Variants in CTNND2 observed in about 807,000 individuals in gnomAD.
CTNND2 encodes the protein catenin delta-2.
A neutral mutation model predicts 144.4 loss-of-function variants in CTNND2; 22 were observed. The observed-to-expected ratio is 0.15, with a 90% confidence interval of 0.11 to 0.22. The LOEUF is 0.22. Ranked by LOEUF, CTNND2 falls within the 10% of genes least tolerant of loss-of-function variation. CTNND2 has a pLI of 1.00. For missense variants in CTNND2, 1,353 were observed against 1,618.8 expected (o/e 0.84, Z 2.82); for synonymous variants, 751 against 695.6 (o/e 1.08, Z -1.25).
chr5:11,671,033 G>A (rs1783851300), intron 2 of CTNND2, among the ~76,000 whole-genome samples: 1 of 152,166 alleles, frequency 6.6e-6, no homozygotes, highest in African/African-American at 2.4e-5. Context: ...CTTCGTTTAT[G>A]AAACTTAGTT....
At chr5:11,039,391 C>T (rs1357384125) in intron 16 of CTNND2, among the ~76,000 whole-genome samples, 1 of 152,186 alleles carries the variant, frequency 6.6e-6, no homozygotes, top group Non-Finnish European at 1.5e-5. Flanking sequence ...CATCTTGATG[C>T]TTTTTCTTTC....
intron 6 of CTNND2, among the ~76,000 whole-genome samples, chr5:11,386,399 T>G (rs1424013993): frequency 6.6e-6 from 1 of 152,134 alleles, no homozygotes; most frequent in Non-Finnish European, 1.5e-5. Flanking sequence ...AAGTTTCAAT[T>G]ATGCCTCTCT....
chr5:11,860,366 T>C lies in CTNND2; in HGVS notation c.37+43451A>G, dbSNP rs200228798. 3.3e-5 allele frequency among the ~76,000 whole-genome samples: 5 copies of C among 152,360 alleles called. No individual in the cohort carries two copies. The East Asian group carries it at 9.6e-4, about 29-fold the overall frequency. ...GTTGTAAATGCTGTTGTTTTAATAA[T>C]ATTTTGTAGCATTTTAAAAGATACA... On this transcript the variant is annotated intron_variant, in intron 1 of 21. Transcript: ENST00000304623.
chr5:11,679,631 G>A (rs1784337235), intron 2 of CTNND2, among the ~76,000 whole-genome samples: 1 of 152,136 alleles, frequency 6.6e-6, no homozygotes, highest in Non-Finnish European at 1.5e-5. Context: ...GGGCTCATTT[G>A]GTGGTCCCTG....
intron 11 of CTNND2, among the ~76,000 whole-genome samples, chr5:11,165,347 T>A (rs183302249): frequency 3.3e-5 from 5 of 152,300 alleles, no homozygotes; most frequent in Non-Finnish European, 5.9e-5. Context: ...TTAGCCCAGG[T>A]AATACTAAAA....
intron 2 of CTNND2, among the ~76,000 whole-genome samples, chr5:11,681,777 G>A (rs978568847): frequency 2.0e-5 from 3 of 152,196 alleles, no homozygotes; most frequent in African/African-American, 7.2e-5. Context: ...ACACCTATCA[G>A]AAAGGCTGTG....
intron 10 of CTNND2, among the ~76,000 whole-genome samples, chr5:11,213,370 G>A (rs190805112): frequency 1.3e-5 from 2 of 152,188 alleles, no homozygotes; most frequent in Non-Finnish European, 1.5e-5. Context: ...CCGCTCTTTC[G>A]AGACTCCACA....
At chr5:11,283,752 G>C (rs1747430580) in intron 9 of CTNND2, among the ~76,000 whole-genome samples, 1 of 139,192 alleles carries the variant, frequency 7.2e-6, no homozygotes, top group African/African-American at 2.7e-5. Context: ...AAATGAAGAA[G>C]CTAATTTAAA....
chr5:10,983,096 A>G (rs1561118646), intron 20 of CTNND2, among the ~76,000 whole-genome samples: 1 of 152,210 alleles, frequency 6.6e-6, no homozygotes, highest in Non-Finnish European at 1.5e-5. Context: ...ATAGCACCAT[A>G]GGGCAACCAT....
chr5:11,240,575 AACACAC>A (rs1435312799), intron 9 of CTNND2, among the ~76,000 whole-genome samples: 1 of 117,738 alleles, frequency 8.5e-6, no homozygotes, highest in African/African-American at 3.4e-5. Flanking sequence ...ACACACACCC[AACACAC>A]ACATACTCAG....
chr5:11,376,112 T>C (rs1391351266), intron 7 of CTNND2, among the ~76,000 whole-genome samples: 1 of 152,048 alleles, frequency 6.6e-6, no homozygotes, highest in South Asian at 2.1e-4. Flanking sequence ...CATGGGACAA[T>C]GAATCTGCCA....
rs931534531 is a variant in CTNND2, at chr5:11,063,490, A to G, written c.2788+19206T>C. 1.1e-4 allele frequency among the ~76,000 whole-genome samples: 17 copies of G among 152,318 alleles called. No homozygotes were observed. In the Middle Eastern group the frequency reaches 0.01, roughly 91 times the overall value. ...ATATTTACAATATATCTTAATTTGT[A>G]TAAATTTTGTTTGCAAAGAGAATGA... On this transcript the variant is annotated intron_variant, in intron 16 of 21. Coordinates refer to ENST00000304623, the MANE Select transcript of CTNND2 (RefSeq NM_001332.4).
At chr5:11,359,183 C>T (rs1004038648) in intron 8 of CTNND2, among the ~76,000 whole-genome samples, 2 of 152,156 alleles carry the variant, frequency 1.3e-5, no homozygotes, top group South Asian at 2.1e-4. Context: ...CACTGTACTC[C>T]TTATTTTATA....
At chr5:11,130,948 G>C (rs528080742) in intron 12 of CTNND2, among the ~76,000 whole-genome samples, 1 of 152,160 alleles carries the variant, frequency 6.6e-6, no homozygotes, top group South Asian at 2.1e-4. Context: ...CCATCAAGAG[G>C]ACCTCTGTTA....
At chr5:11,855,344 C>G (rs4547926) in intron 1 of CTNND2, among the ~76,000 whole-genome samples, 93,322 of 151,940 alleles carry the variant, frequency 0.61, 29,980 homozygotes, top group South Asian at 0.78. Context: ...AGTGAACTAA[C>G]CTCACCTCAC....
intron 19 of CTNND2, among the ~76,000 whole-genome samples, chr5:10,989,237 C>A (rs1180484089): frequency 6.6e-6 from 1 of 152,182 alleles, no homozygotes; most frequent in Admixed American, 6.5e-5. Flanking sequence ...TGGTCGCGCA[C>A]CCCACCCTGT....
At chr5:11,129,124 T>A (rs866871261) in intron 12 of CTNND2, among the ~76,000 whole-genome samples, 690 of 14,524 alleles carry the variant, frequency 0.048, 70 homozygotes, top group African/African-American at 0.1. Flanking sequence ...TTATATATAA[T>A]ATATATTTAT....
intron 2 of CTNND2, among the ~76,000 whole-genome samples, chr5:11,684,614 G>T (rs2126635286): frequency 6.6e-6 from 1 of 152,248 alleles, no homozygotes; most frequent in East Asian, 1.9e-4. Flanking sequence ...GTTGGTCATG[G>T]CACAGTTAGT....
intron 5 of CTNND2, among the ~76,000 whole-genome samples, chr5:11,404,985 T>A (rs1158001664): frequency 2.0e-5 from 3 of 152,190 alleles, no homozygotes; most frequent in Non-Finnish European, 4.4e-5. Context: ...AGTCCTCTCC[T>A]TCCTCTGCCT....
Sources: gnomAD v4.1 joint callset for allele counts (sites outside exome capture counted in the v4.1 genomes callset) on GRCh38, gnomAD v4.1.1 for gene constraint, MANE v1.5 for transcripts, NCBI Gene and HGNC (gene_info 2026-07-23, HGNC 2026-07-21) for gene names.